PHF24: variants seen among roughly 807,000 people sequenced by gnomAD.
PHF24 encodes the protein Galpha inhibitory interacting protein.
PHF24 carries 25 observed loss-of-function variants against 42.6 expected under a neutral mutation model. The ratio of observed to expected loss-of-function variants is 0.59; its 90% CI spans 0.43 to 0.82. The LOEUF (loss-of-function observed/expected upper bound fraction) is 0.82, where lower values mean the gene tolerates loss of function less well. Among genes scored for constraint, PHF24 ranks in the 40% least tolerant of loss-of-function variants. PHF24 has a pLI of 0.00. For missense variants in PHF24, 470 were observed against 538.1 expected (o/e 0.87, Z 1.25); for synonymous variants, 185 against 204.8 (o/e 0.90, Z 0.83).
At chr9:34,805,397 TC>T in the PHF24 span, among the ~76,000 whole-genome samples, 1 of 152,234 alleles carries the variant, frequency 6.6e-6, no homozygotes, top group Non-Finnish European at 1.5e-5. Flanking sequence ...ATTCTAGCCA[TC>T]CCAGTGAGTA....
chr9:34,732,668 C>T, the PHF24 span, among the ~76,000 whole-genome samples: 9 of 152,092 alleles, frequency 5.9e-5, no homozygotes, highest in African/African-American at 2.2e-4. Context: ...CTGTGCTTAT[C>T]GGGTATTGCT....
the PHF24 span, among the ~76,000 whole-genome samples, chr9:34,937,089 G>A: frequency 0.024 from 2,194 of 92,144 alleles, 33 homozygotes; most frequent in Non-Finnish European, 0.037. Context: ...CTCTGCCCCG[G>A]CCGCCCCTAC....
At chr9:34,717,069 A>G in the PHF24 span, among the ~76,000 whole-genome samples, 1 of 152,136 alleles carries the variant, frequency 6.6e-6, no homozygotes, top group Admixed American at 6.6e-5. Flanking sequence ...TAGAGGAGGG[A>G]GGCATTCAGC....
the PHF24 span, among the ~76,000 whole-genome samples, chr9:34,905,375 G>T: frequency 2.0e-5 from 3 of 152,200 alleles, no homozygotes; most frequent in Non-Finnish European, 4.4e-5. Flanking sequence ...GCTAAAAGTG[G>T]TGTTCATTAA....
At chr9:34,758,649 G>A in the PHF24 span, among the ~76,000 whole-genome samples, 112,127 of 151,980 alleles carry the variant, frequency 0.74, 43,198 homozygotes, top group East Asian at 0.95. This position sits in a 1 kb window ranked among gnomAD's most constrained non-coding sequence, Gnocchi z 4.4. Context: ...TTCAGAGGTG[G>A]CTTTTGTCTC....
chr9:34,800,982 C>A, the PHF24 span, among the ~76,000 whole-genome samples: 17 of 151,552 alleles, frequency 1.1e-4, no homozygotes, highest in African/African-American at 3.4e-4. Flanking sequence ...GAAAAAAAAA[C>A]CATCAAAAAG....
At chr9:34,940,470 T>G in the PHF24 span, among the ~76,000 whole-genome samples, 1 of 152,116 alleles carries the variant, frequency 6.6e-6, no homozygotes, top group African/African-American at 2.4e-5. Flanking sequence ...CTTTAATTCT[T>G]ACAGGGTGTG....
chr9:34,735,340 T>C, the PHF24 span, among the ~76,000 whole-genome samples: 1 of 150,446 alleles, frequency 6.6e-6, no homozygotes, highest in Non-Finnish European at 1.5e-5. Flanking sequence ...TTTCACCATA[T>C]TGGCCAGGCA....
intron 1 of PHF24, among the ~76,000 whole-genome samples, chr9:34,965,134 A>G (rs746264021): frequency 2.0e-5 from 3 of 152,154 alleles, no homozygotes; most frequent in Non-Finnish European, 4.4e-5. Context: ...ACCAATCACT[A>G]CCACTTGTTT....
At chr9:34,759,388 C>A in the PHF24 span, among the ~76,000 whole-genome samples, 1 of 152,156 alleles carries the variant, frequency 6.6e-6, no homozygotes, top group African/African-American at 2.4e-5. Context: ...TTTTTTCCCT[C>A]TTTTCCTGAG....
the PHF24 span, among the ~76,000 whole-genome samples, chr9:34,854,106 G>A: frequency 6.6e-6 from 1 of 151,456 alleles, no homozygotes; most frequent in Non-Finnish European, 1.5e-5. Context: ...TTGTATTTCT[G>A]TGGGGTCAGT....
At chr9:34,848,926 A>C in the PHF24 span, among the ~76,000 whole-genome samples, 1 of 152,096 alleles carries the variant, frequency 6.6e-6, no homozygotes, top group African/African-American at 2.4e-5. Flanking sequence ...TGAGTTTCTT[A>C]ATTGTGAGTT....
the PHF24 span, among the ~76,000 whole-genome samples, chr9:34,680,687 C>T: frequency 8.0e-6 from 1 of 124,636 alleles, no homozygotes. Flanking sequence ...GACTCCGTCT[C>T]AAAAAAAAAA....
the PHF24 span, among the ~76,000 whole-genome samples, chr9:34,819,663 A>G: frequency 6.6e-6 from 1 of 152,194 alleles, no homozygotes; most frequent in South Asian, 2.1e-4. Context: ...TTTAGAGAAC[A>G]TACTCTGTAT....
At chr9:34,710,018 C>T in the PHF24 span, 2 of 1,613,960 alleles carry the variant, frequency 1.2e-6, no homozygotes, top group African/African-American at 2.7e-5. Flanking sequence ...CTGGGGATGC[C>T]AAAGGCCAGA....
At chr9:34,943,494 C>T in the PHF24 span, among the ~76,000 whole-genome samples, 1 of 152,128 alleles carries the variant, frequency 6.6e-6, no homozygotes, top group African/African-American at 2.4e-5. Flanking sequence ...CTCTGTAGAC[C>T]TCGTATTCTA....
exon 2 of PHF24, chr9:34,971,456 A>G (rs779356970): frequency 9.9e-6 from 16 of 1,614,174 alleles, no homozygotes; most frequent in Non-Finnish European, 1.4e-5. Flanking sequence ...GGCTCCGTCC[A>G]GGAGGTACAG....
chr9:34,734,071 A>T, the PHF24 span, among the ~76,000 whole-genome samples: 1 of 152,240 alleles, frequency 6.6e-6, no homozygotes, highest in Non-Finnish European at 1.5e-5. Flanking sequence ...ACATACAAGA[A>T]GAAAAGAAAT....
At chr9:34,824,296 A>T in the PHF24 span, among the ~76,000 whole-genome samples, 9 of 152,180 alleles carry the variant, frequency 5.9e-5, no homozygotes, top group Non-Finnish European at 1.2e-4. Context: ...CCCAAACAAG[A>T]TGCCCCATGG....
Sources: allele counts gnomAD v4.1 joint callset (sites outside exome capture counted in the v4.1 genomes callset), GRCh38; gene constraint gnomAD v4.1.1; non-coding constraint Gnocchi (gnomAD v3.1); transcripts MANE v1.5; gene names NCBI Gene and HGNC (gene_info 2026-07-23, HGNC 2026-07-21).